DNAH11: variants seen among roughly 807,000 people sequenced by gnomAD.
DNAH11 encodes the protein axonemal beta dynein heavy chain 11.
Under a neutral mutation model 526.0 loss-of-function variants are expected in DNAH11, and 442 were observed. The ratio of observed to expected loss-of-function variants is 0.84; its 90% CI spans 0.78 to 0.91. The LOEUF is 0.91. DNAH11 is among the 40% of genes least tolerant of loss of function. The pLI is 0.00. For missense variants in DNAH11, 6,989 were observed against 5,448.7 expected (o/e 1.28, Z -8.90); for synonymous variants, 2,461 against 1,935.9 (o/e 1.27, Z -7.12).
chr7:21,796,491 G>T (rs1234555997), intron 61 of DNAH11, among the ~76,000 whole-genome samples: 3 of 152,154 alleles, frequency 2.0e-5, no homozygotes, highest in Non-Finnish European at 2.9e-5. Flanking sequence ...GAGAAACTTG[G>T]GTTATAAACA....
chr7:21,647,329 C>T (rs1374955479), intron 28 of DNAH11, among the ~76,000 whole-genome samples: 8 of 151,856 alleles, frequency 5.3e-5, no homozygotes, highest in Non-Finnish European at 1.0e-4. Context: ...ATCCATAAAG[C>T]CATATTTTAT....
At chr7:21,579,728 A>C (rs574138525) in intron 8 of DNAH11, among the ~76,000 whole-genome samples, 2 of 152,234 alleles carry the variant, frequency 1.3e-5, no homozygotes, top group Non-Finnish European at 2.9e-5. Context: ...ATTCCGAATT[A>C]AGATTGTGAG....
chr7:21,724,457 C>A (rs1784996438), intron 44 of DNAH11, among the ~76,000 whole-genome samples: 1 of 152,194 alleles, frequency 6.6e-6, no homozygotes, highest in African/African-American at 2.4e-5. Flanking sequence ...TTAAAAACTT[C>A]TATGGGGAAA....
In DNAH11 at chr7:21,543,043, C is replaced by A. The variant is rs370263343; in HGVS notation, c.-203C>A. On this transcript the variant is annotated 5_prime_UTR_variant, in exon 1 of 82. Coordinates refer to ENST00000409508, the MANE Select transcript of DNAH11 (RefSeq NM_001277115.2). ...GGGAAACGGGACGCGCTGCTTGTCC[C>A]AGGCCTTCGCTTCGGCCTGCGAGGC... Among the ~76,000 whole-genome samples the A allele has an allele frequency of 1.3e-5, 2 of 152,328 alleles. No individual in the cohort carries two copies. Among genetic ancestry groups the A allele is most frequent in the East Asian group, 3.9e-4 (2 of 5,166 alleles).
At chr7:21,900,305 T>C (rs915018887) in intron 81 of DNAH11, among the ~76,000 whole-genome samples, 185 bp downstream of exon 81, 3 of 151,916 alleles carry the variant, frequency 2.0e-5, no homozygotes, top group African/African-American at 7.3e-5. Context: ...AACCAAACTG[T>C]AATATTTGGG....
chr7:21,635,659 T>C (rs1014394228), intron 25 of DNAH11, among the ~76,000 whole-genome samples: 2 of 152,334 alleles, frequency 1.3e-5, no homozygotes, highest in African/African-American at 4.8e-5. Flanking sequence ...TATTTATCTT[T>C]TTTTCTTTTT....
chr7:21,727,020 A>G (rs1478214047), intron 45 of DNAH11, among the ~76,000 whole-genome samples: 3 of 114,742 alleles, frequency 2.6e-5, no homozygotes, highest in African/African-American at 3.5e-5. Context: ...CGCAAGATCC[A>G]CCTCCGGGGT....
intron 6 of DNAH11, among the ~76,000 whole-genome samples, chr7:21,566,081 A>G (rs1562665459): frequency 6.6e-6 from 1 of 152,118 alleles, no homozygotes; most frequent in Non-Finnish European, 1.5e-5. Flanking sequence ...TTAGGGACCT[A>G]TTTCTCATTT....
At chr7:21,556,307 T>A (rs1583477968) in intron 2 of DNAH11, among the ~76,000 whole-genome samples, 2 of 152,294 alleles carry the variant, frequency 1.3e-5, no homozygotes, top group Admixed American at 1.3e-4. Flanking sequence ...GTATTTAGAT[T>A]TACTATGCCT....
rs147512882 is a variant in DNAH11 at position 21,704,093 on chromosome 7, C to A, written c.6274-341C>A. 3.1e-3 allele frequency among the ~76,000 whole-genome samples: 468 copies of A among 152,298 alleles called. 13 individuals carry two copies. Among genetic ancestry groups the A allele is most frequent in the Admixed American group, 0.027 (417 of 15,292 alleles). ...CTCAGAGTACTTTGGATAAAATGAT[C>A]TGATGGGCTTGATTAATTTAAATTC... is the stretch of plus-strand genomic sequence containing the variant. On this transcript the variant is annotated intron_variant, in intron 37 of 81. Coordinates refer to ENST00000409508, the MANE Select transcript of DNAH11 (RefSeq NM_001277115.2).
chr7:21,623,116 T>C (rs1338676969), intron 25 of DNAH11, among the ~76,000 whole-genome samples: 3 of 151,458 alleles, frequency 2.0e-5, no homozygotes, highest in Non-Finnish European at 4.4e-5. Context: ...TCAAACAAAT[T>C]TACAAGAAAA....
intron 20 of DNAH11, among the ~76,000 whole-genome samples, chr7:21,610,444 G>A (rs952167143): frequency 6.6e-6 from 1 of 152,056 alleles, no homozygotes; most frequent in Non-Finnish European, 1.5e-5. Flanking sequence ...CTGGAAAAAA[G>A]CACTCTCATT....
chr7:21,719,615 T>C (rs2128483553), intron 43 of DNAH11, among the ~76,000 whole-genome samples: 1 of 152,344 alleles, frequency 6.6e-6, no homozygotes, highest in South Asian at 2.1e-4. Context: ...GTGAGTTTTT[T>C]TCTATTAAAA....
chr7:21,782,711 A>AG (rs1788001565), intron 57 of DNAH11, among the ~76,000 whole-genome samples: 2 of 152,166 alleles, frequency 1.3e-5, no homozygotes, highest in Non-Finnish European at 2.9e-5. Context: ...CAGCAGTTCA[A>AG]GACCAGCCTG....
intron 30 of DNAH11, among the ~76,000 whole-genome samples, chr7:21,675,404 C>T (rs967893076): frequency 6.6e-6 from 1 of 152,228 alleles, no homozygotes; most frequent in African/African-American, 2.4e-5. Context: ...TTCTTGTCAA[C>T]CTAAATCCTG....
Position 21,779,056 on chromosome 7 carries a change from G to A in DNAH11, c.9435G>A (p.Thr3145=), listed in dbSNP as rs72657379. The change falls in exon 57 of 82, where the codon ACG becomes ACA. Residue 3145 remains threonine, a synonymous_variant. Transcript: ENST00000409508. ...EALITKIGLQ[T]EKVSREKTIA... ...TGATCACAAAGATCGGCCTTCAGAC[G>A]GAGAAAGTGAGCCGGGAAAAGACCA... The A allele has an allele frequency of 6.8e-3, 11,003 of 1,613,338 alleles. 59 individuals carry two copies. The highest frequency in any genetic ancestry group is 8.8e-3 in the Non-Finnish European group (10,346 of 1,179,504).
At chr7:21,622,468 A>C (rs1203200189) in intron 25 of DNAH11, among the ~76,000 whole-genome samples, 1 of 152,162 alleles carries the variant, frequency 6.6e-6, no homozygotes, top group Non-Finnish European at 1.5e-5. Flanking sequence ...GGAAAAAACT[A>C]CTTTAAAGTT....
intron 42 of DNAH11, 48 bp from the exon 43 acceptor site, chr7:21,717,727 C>CT: frequency 6.2e-7 from 1 of 1,606,524 alleles, no homozygotes; most frequent in Non-Finnish European, 8.5e-7. Context: ...TGAAATTCTG[C>CT]TTTTCAAGCC....
At position 21,738,840 on chromosome 7, in the gene DNAH11, C is replaced by A. The variant is rs376895904; in HGVS notation, c.7785C>A (p.Ile2595=). The A allele has an allele frequency of 6.2e-7, 1 of 1,603,258 alleles. No individual in the cohort carries two copies. Among genetic ancestry groups the A allele is most frequent in the Non-Finnish European group, 8.5e-7 (1 of 1,175,518 alleles). Residue 2595 remains isoleucine, a synonymous_variant, in exon 47 of 82, where the codon ATC becomes ATA. Coordinates refer to ENST00000409508, the MANE Select transcript of DNAH11 (RefSeq NM_001277115.2). The part of the protein sequence containing the change: ...LYGTVQPHTL[I]RQHIDYGHWY... ...GCACCGTTCAGCCTCACACCCTGAT[C>A]CGGCAGCATATTGATTATGGACATT...
Sources: gnomAD v4.1 joint callset for allele counts (sites outside exome capture counted in the v4.1 genomes callset) on GRCh38, gnomAD v4.1.1 for gene constraint, MANE v1.5 for transcripts, NCBI Gene and HGNC (gene_info 2026-07-23, HGNC 2026-07-21) for gene names.